CCDC170: variants seen among roughly 807,000 people sequenced by gnomAD.
CCDC170 encodes the protein coiled-coil domain-containing protein 170.
Under a neutral mutation model 72.6 loss-of-function variants are expected in CCDC170, and 69 were observed. The ratio of observed to expected loss-of-function variants is 0.95; its 90% CI spans 0.78 to 1.16. The LOEUF is 1.16. CCDC170 is among the 50% of genes most tolerant of loss of function. CCDC170 has a pLI of 0.00. For synonymous variants in CCDC170, 300 were observed against 303.9 expected (o/e 0.99, Z 0.13); for missense variants, 852 against 832.5 (o/e 1.02, Z -0.29).
chr6:151,602,450 G>A (rs1776723128), intron 9 of CCDC170, among the ~76,000 whole-genome samples: 1 of 152,120 alleles, frequency 6.6e-6, no homozygotes, highest in Non-Finnish European at 1.5e-5. Flanking sequence ...AATTCAATGT[G>A]ATAGATTATT....
chr6:151,527,051 T>A (rs1484238684), intron 1 of CCDC170, among the ~76,000 whole-genome samples: 3 of 61,820 alleles, frequency 4.9e-5, no homozygotes, highest in Non-Finnish European at 8.6e-5. Context: ...TGCTTAGCTA[T>A]TTTTTTTTTT....
At chr6:151,533,100 T>C (rs1358879501) in intron 1 of CCDC170, among the ~76,000 whole-genome samples, 66 of 149,836 alleles carry the variant, frequency 4.4e-4, no homozygotes, top group Non-Finnish European at 7.2e-4. Flanking sequence ...GTCACCCAGG[T>C]TGGAGTGCAG....
At chr6:151,591,959 C>T (rs527925748) in intron 7 of CCDC170, among the ~76,000 whole-genome samples, 34 of 144,070 alleles carry the variant, frequency 2.4e-4, no homozygotes, top group African/African-American at 5.6e-4. Flanking sequence ...CAGTGACAAC[C>T]GGCTAAGTTG....
chr6:151,496,318 A>T (rs959713413), intron 1 of CCDC170, among the ~76,000 whole-genome samples: 12 of 151,928 alleles, frequency 7.9e-5, no homozygotes, highest in Admixed American at 7.9e-4. Context: ...AAATCATATT[A>T]GTTGAGTAAT....
Position 151,593,131 on chromosome 6 carries a change from T to C in CCDC170, c.1318T>C (p.Ser440Pro). The C allele has an allele frequency of 6.2e-7, 1 of 1,614,212 alleles. No individual in the cohort carries two copies. The highest frequency in any genetic ancestry group is 1.1e-5 in the South Asian group (1 of 91,082). ...QKYLKFLDQL[S>P]QKMKLDQMAA... ...GTATCTTAAATTTCTGGATCAGCTTTCTCAGAAAATGAAGTTGGACCAGAT... is the reference window on the plus strand; with the variant it reads ...GTATCTTAAATTTCTGGATCAGCTTCCTCAGAAAATGAAGTTGGACCAGAT... The change falls in exon 8 of 11, where the codon TCT (serine) becomes CCT (proline). Residue 440 changes from serine (S) to proline (P), a missense_variant. Coordinates refer to ENST00000239374, the MANE Select transcript of CCDC170 (RefSeq NM_025059.4).
At chr6:151,584,501 G>A (rs866204241) in intron 6 of CCDC170, among the ~76,000 whole-genome samples, 2 of 152,046 alleles carry the variant, frequency 1.3e-5, no homozygotes, top group South Asian at 4.1e-4. Context: ...ACATGAAATT[G>A]CATGTATAAT....
At chr6:151,502,033 C>A (rs1315032800) in intron 1 of CCDC170, among the ~76,000 whole-genome samples, 1 of 152,182 alleles carries the variant, frequency 6.6e-6, no homozygotes, top group Non-Finnish European at 1.5e-5. Flanking sequence ...ACCAGTAGCA[C>A]CTCATTCTTT....
chr6:151,558,232 G>GTTTTTT (rs55648936), intron 5 of CCDC170, among the ~76,000 whole-genome samples: 123 of 70,810 alleles, frequency 1.7e-3, no homozygotes, highest in African/African-American at 2.6e-3. Context: ...TGAGATTAGT[G>GTTTTTT]TTTTTTTTTT....
chr6:151,620,983 A>T lies in CCDC170; in HGVS notation c.*2836A>T, dbSNP rs1777052423. 6.6e-6 allele frequency: 1 copy of T among 152,186 alleles called. No homozygotes were observed. Among genetic ancestry groups the T allele is most frequent in the Non-Finnish European group, 1.5e-5 (1 of 68,024 alleles). 9.4% of individuals were successfully genotyped at this position (152,186 alleles called of 1,614,324 possible). On this transcript the variant is annotated 3_prime_UTR_variant, in exon 11 of 11. Transcript: ENST00000239374. ...CTGTGTGACTCTAGTGATCTTTAACATACACAGAATGATCTACAGTGATCT... is the reference window on the plus strand; with the variant it reads ...CTGTGTGACTCTAGTGATCTTTAACTTACACAGAATGATCTACAGTGATCT...
chr6:151,537,033 C>T (rs2115046851), intron 2 of CCDC170, among the ~76,000 whole-genome samples: 1 of 152,250 alleles, frequency 6.6e-6, no homozygotes, highest in East Asian at 1.9e-4. Context: ...AGTAAAGCTC[C>T]ATGGGCCTCA....
chr6:151,591,614 C>G (rs1296236954), intron 7 of CCDC170, among the ~76,000 whole-genome samples: 1 of 151,998 alleles, frequency 6.6e-6, no homozygotes, highest in Non-Finnish European at 1.5e-5. Flanking sequence ...CCTGCCTCAG[C>G]CTCCCAAGTA....
chr6:151,584,098 C>T (rs773952363), intron 6 of CCDC170, among the ~76,000 whole-genome samples: 7 of 152,156 alleles, frequency 4.6e-5, no homozygotes, highest in South Asian at 2.1e-4. Context: ...AGAAAAATGA[C>T]GCTGATAGAC....
chr6:151,536,354 C>A lies in CCDC170; in HGVS notation c.94C>A (p.Arg32=). 1 of 1,614,106 alleles carries A rather than the reference C, an allele frequency of 6.2e-7. No homozygotes were observed. The highest frequency in any genetic ancestry group is 2.2e-5 in the East Asian group (1 of 44,874). Reference sequence around the variant, plus strand: ...TCATCTTTCGGAAGTCCCGGTCACGCGGGAGCAGTTAAACCACTATCGGAA... The same window carrying A: ...TCATCTTTCGGAAGTCCCGGTCACGAGGGAGCAGTTAAACCACTATCGGAA... ...YDHLSEVPVT[R]EQLNHYRNVA... The change falls in exon 2 of 11, where the codon CGG becomes AGG. Residue 32 remains arginine (R), a synonymous_variant. Coordinates refer to ENST00000239374, the MANE Select transcript of CCDC170 (RefSeq NM_025059.4).
intron 1 of CCDC170, among the ~76,000 whole-genome samples, chr6:151,509,284 GT>G (rs1400048724): frequency 6.6e-6 from 1 of 151,428 alleles, no homozygotes; most frequent in African/African-American, 2.4e-5. Context: ...TGAATAAAGT[GT>G]CTCATCTCGT....
At chr6:151,502,413 T>A (rs1782005245) in intron 1 of CCDC170, among the ~76,000 whole-genome samples, 1 of 152,260 alleles carries the variant, frequency 6.6e-6, no homozygotes, top group Non-Finnish European at 1.5e-5. Context: ...ATGACTTCCT[T>A]TTCATTGACT....
intron 9 of CCDC170, among the ~76,000 whole-genome samples, chr6:151,602,007 A>G (rs1562296740): frequency 6.6e-6 from 1 of 152,174 alleles, no homozygotes. Flanking sequence ...GATTGTTTCC[A>G]CTTTTGGCTA....
chr6:151,596,327 C>A lies in CCDC170; in HGVS notation c.1468-8C>A. On this transcript the variant is annotated splice_region_variant and splice_polypyrimidine_tract_variant and intron_variant, in intron 8 of 10. Transcript: ENST00000239374. The stretch of plus-strand genomic sequence containing the variant: ...TTAAAAAAAAAATCCCTGTTTGCAT[C>A]AAACCAGCTAAAGACACAGAAAGAG... 6.3e-7 allele frequency: 1 copy of A among 1,585,630 alleles called. No homozygotes were observed. Among genetic ancestry groups the A allele is most frequent in the South Asian group, 1.2e-5 (1 of 85,568 alleles).
At chr6:151,495,954 A>G (rs1008475904) in intron 1 of CCDC170, among the ~76,000 whole-genome samples, 1 of 152,216 alleles carries the variant, frequency 6.6e-6, no homozygotes, top group African/African-American at 2.4e-5. Context: ...ACTTGTCCCA[A>G]TTATGCCATT....
At chr6:151,508,275 C>T (rs1197274777) in intron 1 of CCDC170, among the ~76,000 whole-genome samples, 2 of 152,102 alleles carry the variant, frequency 1.3e-5, no homozygotes, top group Admixed American at 6.5e-5. Context: ...CAGTGTCTCA[C>T]GCCTATAATC....
Sources: gnomAD v4.1 joint callset for allele counts (sites outside exome capture counted in the v4.1 genomes callset) on GRCh38, gnomAD v4.1.1 for gene constraint, MANE v1.5 for transcripts, NCBI Gene and HGNC (gene_info 2026-07-23, HGNC 2026-07-21) for gene names.